Variants in NEXN observed in about 807,000 individuals in gnomAD.
NEXN encodes the protein nexilin.
A neutral mutation model predicts 92.6 loss-of-function variants in NEXN; 65 were observed. The ratio of observed to expected loss-of-function variants is 0.70; its 90% confidence interval spans 0.57 to 0.86. The LOEUF (loss-of-function observed/expected upper bound fraction) is 0.86. Ranked by LOEUF, NEXN falls within the 40% of genes least tolerant of loss-of-function variation. The pLI is 0.00. For missense variants in NEXN, 778 were observed against 771.1 expected (o/e 1.01, Z -0.11); for synonymous variants, 254 against 242.5 (o/e 1.05, Z -0.44).
chr1:77,932,074 C>T (rs1283922069), intron 9 of NEXN: 1 of 152,154 alleles, frequency 6.6e-6, no homozygotes, highest in African/African-American at 2.4e-5. Context: ...ATTACAGGCG[C>T]CCACCACCAC....
chr1:77,902,300 G>A (rs1413842314), intron 1 of NEXN, among the ~76,000 whole-genome samples: 2 of 151,720 alleles, frequency 1.3e-5, no homozygotes, highest in East Asian at 3.9e-4. Flanking sequence ...TTCCTTTAAC[G>A]TACTGCAGTT....
At chr1:77,908,708 C>A (rs565933531) in intron 1 of NEXN, among the ~76,000 whole-genome samples, 2 of 152,204 alleles carry the variant, frequency 1.3e-5, no homozygotes, top group Admixed American at 6.5e-5. Context: ...GTAAGTAATA[C>A]ATTATATATG....
intron 1 of NEXN, among the ~76,000 whole-genome samples, chr1:77,908,794 A>T (rs550312265): frequency 2.7e-4 from 41 of 152,300 alleles, no homozygotes; most frequent in Admixed American, 9.8e-4. Flanking sequence ...TAATAAAATT[A>T]ATCAAAGTTA....
rs372644864 is a variant in NEXN at position 77,892,762 on chromosome 1, T to C, written c.-53+4003T>C. 8.5e-5 allele frequency among the ~76,000 whole-genome samples: 13 copies of C among 152,252 alleles called. No individual in the cohort carries two copies. The East Asian group carries it at 1.9e-3, about 23-fold the overall frequency. ...TGTCGATTAGAGCTGGAAGGGACCA[T>C]ATATTGCTAACCAAAACAAATAAAA... On this transcript the variant is annotated intron_variant, in intron 1 of 12. Transcript: ENST00000334785.
At chr1:77,933,630 TTA>T in intron 10 of NEXN, 151 bp downstream of exon 10, 1 of 649,052 alleles carries the variant, frequency 1.5e-6, no homozygotes. Context: ...GTCTGCACAA[TTA>T]TGTGTACTTT....
intron 8 of NEXN, 66 bp downstream of exon 8, chr1:77,926,958 AC>A: frequency 6.3e-7 from 1 of 1,581,528 alleles, no homozygotes; most frequent in Non-Finnish European, 8.6e-7. Context: ...GATAAGGTTT[AC>A]TACTACAAAT....
At chr1:77,908,046 C>T (rs891593499) in intron 1 of NEXN, among the ~76,000 whole-genome samples, 5 of 151,860 alleles carry the variant, frequency 3.3e-5, no homozygotes, top group East Asian at 1.9e-4. Context: ...GCCAGGAGTT[C>T]GAGACCAGCC....
chr1:77,907,087 T>C (rs1360593661), intron 1 of NEXN, among the ~76,000 whole-genome samples: 2 of 152,248 alleles, frequency 1.3e-5, no homozygotes, highest in African/African-American at 4.8e-5. Flanking sequence ...ACTTGGATTA[T>C]CTTCATCATT....
intron 5 of NEXN, 139 bp from the exon 6 acceptor site, chr1:77,925,049 G>A: frequency 1.6e-6 from 1 of 617,924 alleles, no homozygotes; most frequent in Non-Finnish European, 2.9e-6. Flanking sequence ...GGCTAATTTG[G>A]AACAACATAA....
intron 11 of NEXN, among the ~76,000 whole-genome samples, chr1:77,936,578 T>C (rs1430693647): frequency 6.6e-6 from 1 of 152,212 alleles, no homozygotes; most frequent in Non-Finnish European, 1.5e-5. Context: ...ACAGTAGTAA[T>C]TCGGTGTGGA....
intron 1 of NEXN, among the ~76,000 whole-genome samples, chr1:77,906,670 T>G (rs942646116): frequency 3.3e-5 from 5 of 152,284 alleles, no homozygotes; most frequent in Middle Eastern, 3.4e-3. Flanking sequence ...TGGTTTCTGT[T>G]TTGAGACAGG....
intron 1 of NEXN, among the ~76,000 whole-genome samples, chr1:77,891,597 T>C (rs541912438): frequency 2.4e-4 from 36 of 152,132 alleles, no homozygotes; most frequent in African/African-American, 8.7e-4. Context: ...TTTCTTCCCC[T>C]TCACTCTTTC....
chr1:77,931,818 A>G (rs1349743685), intron 9 of NEXN: 1 of 152,226 alleles, frequency 6.6e-6, no homozygotes, highest in African/African-American at 2.4e-5. Flanking sequence ...TTACCTTGAT[A>G]AAACTTGGAG....
chr1:77,941,257 T>A (rs1395766166), intron 11 of NEXN, among the ~76,000 whole-genome samples: 1 of 146,190 alleles, frequency 6.8e-6, no homozygotes, highest in Non-Finnish European at 1.5e-5. Flanking sequence ...AAACCAAAAG[T>A]CAACAACTGA....
At chr1:77,934,382 C>T (rs979767915) in intron 10 of NEXN, among the ~76,000 whole-genome samples, 7 of 152,114 alleles carry the variant, frequency 4.6e-5, no homozygotes, top group Non-Finnish European at 1.0e-4. Context: ...TTCTGGCAAG[C>T]GATCCTCTGA....
chr1:77,924,448 T>C (rs1463745612), intron 5 of NEXN, among the ~76,000 whole-genome samples: 1 of 152,192 alleles, frequency 6.6e-6, no homozygotes, highest in Non-Finnish European at 1.5e-5. Flanking sequence ...TTGTAAAATA[T>C]AATCATGACA....
intron 1 of NEXN, among the ~76,000 whole-genome samples, chr1:77,910,886 G>A (rs1648526400): frequency 6.6e-6 from 1 of 151,850 alleles, no homozygotes; most frequent in South Asian, 2.1e-4. Context: ...CACCCAGGCT[G>A]GAGTATGGTG....
rs1222507869 is a variant in NEXN at position 77,942,725 on chromosome 1, C to A, written c.1924C>A (p.Pro642Thr). Residue 642 changes from proline to threonine, a missense_variant, in exon 13 of 13, where the codon CCA becomes ACA. Transcript: ENST00000334785. ...ERGETYCLYLPETFPEDGGEY... is the reference protein window; with the variant it reads ...ERGETYCLYLTETFPEDGGEY... ...GGGAGAAACTTACTGCCTTTACTTACCAGAAACTTTCCCAGAAGATGGAGG... is the reference window on the plus strand; with the variant it reads ...GGGAGAAACTTACTGCCTTTACTTAACAGAAACTTTCCCAGAAGATGGAGG... 2 of 1,613,522 alleles carry A rather than the reference C, an allele frequency of 1.2e-6. No individual in the cohort carries two copies. The highest frequency in any genetic ancestry group is 2.7e-5 in the African/African-American group (2 of 74,872).
At chr1:77,926,302 C>T in intron 6 of NEXN, 112 bp from the exon 7 acceptor site, 1 of 684,628 alleles carries the variant, frequency 1.5e-6, no homozygotes, top group South Asian at 1.9e-5. Flanking sequence ...AAATGTTCTT[C>T]ATAATAACAT....
Sources: gnomAD v4.1 joint callset for allele counts (sites outside exome capture counted in the v4.1 genomes callset) on GRCh38, gnomAD v4.1.1 for gene constraint, MANE v1.5 for transcripts, NCBI Gene and HGNC (gene_info 2026-07-23, HGNC 2026-07-21) for gene names.